Variants in RSPH14 observed in about 807,000 individuals in gnomAD.
RSPH14 encodes the protein radial spoke head 14 homolog.
In RSPH14, 20 loss-of-function variants were observed where a neutral mutation model predicts 26.7. The observed-to-expected ratio is 0.75, with a 90% confidence interval of 0.53 to 1.09. The LOEUF is 1.09. Among genes scored for constraint, RSPH14 ranks in the 50% least tolerant of loss-of-function variants. RSPH14 has a pLI of 0.00. For missense variants in RSPH14, 449 were observed against 457.2 expected, an observed-to-expected ratio of 0.98 and a Z score of 0.16; for synonymous variants, 177 against 189.3, an observed-to-expected ratio of 0.93 and a Z score of 0.53.
intron 4 of RSPH14, among the ~76,000 whole-genome samples, chr22:23,133,300 C>T (rs902323713): frequency 6.6e-6 from 1 of 152,194 alleles, no homozygotes; most frequent in Non-Finnish European, 1.5e-5. Flanking sequence ...ATACATCCCA[C>T]ACGTAAATCT....
intron 4 of RSPH14, among the ~76,000 whole-genome samples, chr22:23,097,758 G>A (rs778804840): frequency 2.0e-5 from 3 of 152,268 alleles, no homozygotes; most frequent in Non-Finnish European, 2.9e-5. Context: ...GCATGGCCGT[G>A]GGCAGAGCGC....
chr22:23,086,590 T>C (rs2068826812), intron 4 of RSPH14, among the ~76,000 whole-genome samples: 1 of 152,038 alleles, frequency 6.6e-6, no homozygotes, highest in Admixed American at 6.5e-5. Context: ...CAGAGTCCCC[T>C]CCCTGACCCC....
chr22:23,075,694 T>G (rs111961394), intron 4 of RSPH14, among the ~76,000 whole-genome samples: 1,609 of 152,292 alleles, frequency 0.011, 20 homozygotes, highest in Admixed American at 0.021. Context: ...GTGTTCCTTC[T>G]AGCAGCCTCC....
the RSPH14 span, among the ~76,000 whole-genome samples, chr22:23,174,028 G>A: frequency 6.6e-6 from 1 of 151,808 alleles, no homozygotes; most frequent in African/African-American, 2.4e-5. Flanking sequence ...TTCATCTGTT[G>A]ACTGACACCT....
rs564999139 is a variant in RSPH14 at position 23,098,384 on chromosome 22, C to G, written c.422-34251G>C. ...TGATGTGTGAGTGAGCTCCTCGGGG[C>G]AGGCCCTAGATGGGCTGGGTGGCCC... On this transcript the variant is annotated intron_variant, in intron 4 of 6. Transcript: ENST00000216036. Among the ~76,000 whole-genome samples, 270 of 152,366 alleles carry G rather than the reference C, an allele frequency of 1.8e-3. 1 individual carries two copies. The highest frequency in any genetic ancestry group is 4.9e-3 in the African/African-American group (202 of 41,594).
chr22:23,147,051 G>A (rs1295042191), upstream of RSPH14, among the ~76,000 whole-genome samples: 13 of 152,154 alleles, frequency 8.5e-5, no homozygotes, highest in Non-Finnish European at 1.9e-4. Flanking sequence ...CCTGGCTCAT[G>A]GTATGCAGGA....
rs143772372 is a variant in RSPH14 at position 23,101,146 on chromosome 22, C to T, written c.421+32880G>A. On this transcript the variant is annotated intron_variant, in intron 4 of 6. Coordinates refer to ENST00000216036, the MANE Select transcript of RSPH14 (RefSeq NM_014433.3). ...ATACCCTCTCCCCAGCATACCAGGG[C>T]TTAGATTGAGAAGGGACCTTATATA... Among the ~76,000 whole-genome samples, 166 of 152,300 alleles carry T rather than the reference C, an allele frequency of 1.1e-3. 1 individual carries two copies. The highest frequency in any genetic ancestry group is 3.8e-3 in the African/African-American group (158 of 41,552).
the RSPH14 span, among the ~76,000 whole-genome samples, chr22:23,152,169 C>T: frequency 6.6e-6 from 1 of 152,232 alleles, no homozygotes; most frequent in East Asian, 1.9e-4. Flanking sequence ...TGCCTCTGCC[C>T]CTCCACCTGT....
chr22:23,178,217 C>A, the RSPH14 span, among the ~76,000 whole-genome samples: 1 of 152,164 alleles, frequency 6.6e-6, no homozygotes, highest in South Asian at 2.1e-4. Context: ...GAGTTCAAGA[C>A]CAGCCTGGCC....
At chr22:23,172,716 G>A in the RSPH14 span, among the ~76,000 whole-genome samples, 112 of 151,142 alleles carry the variant, frequency 7.4e-4, no homozygotes, top group African/African-American at 2.6e-3. Flanking sequence ...TTGGGAGGCC[G>A]AGGCAGGGTG....
At chr22:23,106,938 C>A (rs895606591) in intron 4 of RSPH14, among the ~76,000 whole-genome samples, 1 of 152,186 alleles carries the variant, frequency 6.6e-6, no homozygotes, top group African/African-American at 2.4e-5. Flanking sequence ...CCACACTGCA[C>A]ACACAGGGAA....
intron 4 of RSPH14, among the ~76,000 whole-genome samples, chr22:23,114,580 T>A (rs2069765499): frequency 6.6e-6 from 1 of 152,258 alleles, no homozygotes; most frequent in African/African-American, 2.4e-5. Flanking sequence ...CAGCACTATC[T>A]GCAGCAGTGC....
At chr22:23,095,590 C>T in intron 4 of RSPH14, 1 of 1,320,656 alleles carries the variant, frequency 7.6e-7, no homozygotes, top group Non-Finnish European at 1.0e-6. Context: ...CACTGAGTGC[C>T]TCCAGGGCAG....
chr22:23,170,656 C>G, the RSPH14 span, among the ~76,000 whole-genome samples: 83 of 152,088 alleles, frequency 5.5e-4, no homozygotes, highest in African/African-American at 1.9e-3. Flanking sequence ...TTGCTTGAAC[C>G]CAGGAGGCGG....
In RSPH14 at chr22:23,071,717, G is replaced by C. The variant is rs1000271390; in HGVS notation, c.422-7584C>G. Among the ~76,000 whole-genome samples the C allele has an allele frequency of 6.6e-6, 1 of 152,224 alleles. No individual in the cohort carries two copies. The highest frequency in any genetic ancestry group is 1.5e-5 in the Non-Finnish European group (1 of 68,050). ...GCTTGAGTGCAGGTGCAGGGGCCTC[G>C]GGAGGGACCTCAGAGTGGTGTCCTG... is the stretch of plus-strand genomic sequence containing the variant. On this transcript the variant is annotated intron_variant, in intron 4 of 6. Coordinates refer to ENST00000216036, the MANE Select transcript of RSPH14 (RefSeq NM_014433.3). The surrounding 1 kb of genome is among the most constrained non-coding windows in gnomAD (Gnocchi z 4.1).
chr22:23,111,031 G>A (rs369614334), intron 4 of RSPH14, among the ~76,000 whole-genome samples: 10 of 152,240 alleles, frequency 6.6e-5, no homozygotes, highest in African/African-American at 2.2e-4. Flanking sequence ...GAATGAGGGG[G>A]TAGGATAGCA....
At chr22:23,107,350 T>C (rs8136486) in intron 4 of RSPH14, among the ~76,000 whole-genome samples, 16,081 of 152,196 alleles carry the variant, frequency 0.11, 2,704 homozygotes, top group African/African-American at 0.35. Context: ...CCAAGCTGCC[T>C]GTGCCCTCCT....
At chr22:23,172,372 C>T in the RSPH14 span, among the ~76,000 whole-genome samples, 2 of 143,550 alleles carry the variant, frequency 1.4e-5, no homozygotes, top group African/African-American at 5.2e-5. Context: ...GCCAAGATCA[C>T]ACCATTGTAC....
At chr22:23,148,975 C>T (rs1290300718), upstream of RSPH14, among the ~76,000 whole-genome samples, 1 of 152,192 alleles carries the variant, frequency 6.6e-6, no homozygotes, top group African/African-American at 2.4e-5. Flanking sequence ...ATGAGCATCC[C>T]TGTTTAATAT....
Sources: gnomAD v4.1 joint callset for allele counts (sites outside exome capture counted in the v4.1 genomes callset) on GRCh38, gnomAD v4.1.1 for gene constraint, Gnocchi (gnomAD v3.1) non-coding constraint, MANE v1.5 for transcripts, NCBI Gene and HGNC (gene_info 2026-07-23, HGNC 2026-07-21) for gene names.